FCHSD2: variants seen among roughly 807,000 people sequenced by gnomAD.
The protein encoded by FCHSD2 is F-BAR and double SH3 domains protein 2.
FCHSD2 carries 38 observed loss-of-function variants against 108.1 expected under a neutral mutation model. The ratio of observed to expected loss-of-function variants is 0.35; its 90% confidence interval spans 0.27 to 0.46. The LOEUF (loss-of-function observed/expected upper bound fraction) is 0.46. FCHSD2 is among the 20% of genes least tolerant of loss of function. FCHSD2 has a pLI of 1.00. For synonymous variants in FCHSD2, 279 were observed against 314.7 expected (o/e 0.89, Z 1.20); for missense variants, 751 against 897.8 (o/e 0.84, Z 2.09).
At chr11:73,056,528 A>C (rs1204446662) in intron 3 of FCHSD2, among the ~76,000 whole-genome samples, 1 of 152,190 alleles carries the variant, frequency 6.6e-6, no homozygotes, top group Non-Finnish European at 1.5e-5. Flanking sequence ...AAAATGAATC[A>C]ATTTAATCTT....
At chr11:72,983,920 A>C (rs1388469171) in intron 8 of FCHSD2, 168 bp downstream of exon 8, 2 of 706,752 alleles carry the variant, frequency 2.8e-6, no homozygotes, top group African/African-American at 3.5e-5. Flanking sequence ...AATTAATTCC[A>C]AATTATCTGA....
chr11:73,123,860 C>T (rs957880775), intron 2 of FCHSD2, among the ~76,000 whole-genome samples: 2 of 152,176 alleles, frequency 1.3e-5, no homozygotes, highest in Non-Finnish European at 2.9e-5. Flanking sequence ...CCTTGATCCA[C>T]TATAAATCAA....
At chr11:73,042,978 A>C (rs907664715) in intron 3 of FCHSD2, among the ~76,000 whole-genome samples, 1 of 152,176 alleles carries the variant, frequency 6.6e-6, no homozygotes, top group African/African-American at 2.4e-5. Context: ...TTTTCTATAT[A>C]TGAGGTCATG....
intron 6 of FCHSD2, among the ~76,000 whole-genome samples, chr11:72,987,851 T>A (rs1184282751): frequency 6.6e-6 from 1 of 152,220 alleles, no homozygotes; most frequent in Non-Finnish European, 1.5e-5. Context: ...GGACATCTAA[T>A]CTAAAAACTT....
At chr11:73,101,249 T>C (rs1860218086) in intron 2 of FCHSD2, among the ~76,000 whole-genome samples, 2 of 152,128 alleles carry the variant, frequency 1.3e-5, no homozygotes, top group South Asian at 2.1e-4. Flanking sequence ...GCACAGAAAA[T>C]AGATTGCATA....
chr11:72,941,529 T>C lies in FCHSD2; in HGVS notation c.706-19579A>G, dbSNP rs1258844367. Among the ~76,000 whole-genome samples the C allele has an allele frequency of 2.6e-5, 4 of 152,060 alleles. No homozygotes were observed. In the East Asian group the frequency reaches 5.8e-4, roughly 22 times the overall value. Reference sequence around the variant, plus strand: ...TTTATCATTAACTGTTTTGTTCTTGTATTGATCTATTTTTTCTTTTAACTC... The same window carrying C: ...TTTATCATTAACTGTTTTGTTCTTGCATTGATCTATTTTTTCTTTTAACTC... On this transcript the variant is annotated intron_variant, in intron 8 of 19. Transcript: ENST00000409418.
chr11:72,926,605 G>A (rs1402553340), intron 8 of FCHSD2, among the ~76,000 whole-genome samples: 1 of 152,070 alleles, frequency 6.6e-6, no homozygotes, highest in Non-Finnish European at 1.5e-5. Context: ...TCCAAGGGAC[G>A]ATATGCCTAC....
intron 3 of FCHSD2, 143 bp from the exon 4 acceptor site, chr11:73,016,028 C>A: frequency 1.7e-6 from 1 of 588,292 alleles, no homozygotes. Context: ...ATAGGCTGCA[C>A]GTGGTGGCTT....
rs1565339614 is a variant in FCHSD2 at position 72,954,196 on chromosome 11, A to AATTTTTTTTTTTTTTTTTTTTTT, written c.705+29891_705+29892insAAAAAAAAAAAAAAAAAAAAAAT. ...TAGAATATTAGCAGTAGATGTGGGG[A>AATTTTTTTTTTTTTTTTTTTTTT]TTTTTTTTTTTTTTTTTTTTTTTTT... On this transcript the variant is annotated intron_variant, in intron 8 of 19. Transcript: ENST00000409418. Among the ~76,000 whole-genome samples, 7 of 111,702 alleles carry AATTTTTTTTTTTTTTTTTTTTTT rather than the reference A, an allele frequency of 6.3e-5. 3 individuals are homozygous for AATTTTTTTTTTTTTTTTTTTTTT. Among genetic ancestry groups the AATTTTTTTTTTTTTTTTTTTTTT allele is most frequent in the Non-Finnish European group, 3.6e-5 (2 of 55,680 alleles). 73.3% of individuals were successfully genotyped at this position (111,702 alleles called of 152,430 possible). A position where few individuals can be genotyped will look rare whatever the true frequency, so the allele number is the denominator to read the frequency against.
chr11:73,045,243 G>A (rs1350200060), intron 3 of FCHSD2, among the ~76,000 whole-genome samples: 3 of 151,744 alleles, frequency 2.0e-5, no homozygotes, highest in African/African-American at 7.3e-5. Context: ...AGTTAGAATG[G>A]CGATCATTAA....
At chr11:72,935,211 TGAA>T (rs372669164) in intron 8 of FCHSD2, among the ~76,000 whole-genome samples, 28 of 152,314 alleles carry the variant, frequency 1.8e-4, no homozygotes, top group Middle Eastern at 3.4e-3. Context: ...AGAACTTGTT[TGAA>T]GAAGAAGATT....
At chr11:72,947,034 C>T (rs1052064420) in intron 8 of FCHSD2, among the ~76,000 whole-genome samples, 1 of 152,192 alleles carries the variant, frequency 6.6e-6, no homozygotes, top group African/African-American at 2.4e-5. Flanking sequence ...CTTTCCCAGG[C>T]CCCAGGTGAG....
At chr11:73,079,924 G>C (rs1859641699) in intron 3 of FCHSD2, among the ~76,000 whole-genome samples, 2 of 152,070 alleles carry the variant, frequency 1.3e-5, no homozygotes, top group African/African-American at 2.4e-5. Context: ...TGCATTATTA[G>C]ATACGTTACA....
chr11:73,051,481 A>G (rs1049486955), intron 3 of FCHSD2, among the ~76,000 whole-genome samples: 1 of 152,200 alleles, frequency 6.6e-6, no homozygotes, highest in Non-Finnish European at 1.5e-5. Context: ...ACAAACAGAA[A>G]AAGTTTAATG....
At chr11:72,985,602 C>T (rs957606532) in intron 6 of FCHSD2, among the ~76,000 whole-genome samples, 1 of 152,114 alleles carries the variant, frequency 6.6e-6, no homozygotes, top group African/African-American at 2.4e-5. Flanking sequence ...CTATTATTTC[C>T]ACCATTAAAA....
At chr11:72,869,416 G>A (rs1591357232) in intron 12 of FCHSD2, 1 of 150,400 alleles carries the variant, frequency 6.6e-6, no homozygotes, top group Non-Finnish European at 1.5e-5. Context: ...GTGAAGAAGG[G>A]AAAGAGAGGG....
chr11:72,939,636 T>G (rs1856375199), intron 8 of FCHSD2, among the ~76,000 whole-genome samples: 2 of 109,988 alleles, frequency 1.8e-5, no homozygotes, highest in Admixed American at 9.8e-5. Flanking sequence ...TTTTTTTTTT[T>G]GAGACAGTGT....
chr11:73,044,783 G>A (rs377461624), intron 3 of FCHSD2, among the ~76,000 whole-genome samples: 1 of 152,036 alleles, frequency 6.6e-6, no homozygotes, highest in African/African-American at 2.4e-5. Context: ...CTAACACTAA[G>A]GATGGGGCTG....
chr11:72,925,942 A>G (rs1417391564), intron 8 of FCHSD2, among the ~76,000 whole-genome samples: 1 of 152,178 alleles, frequency 6.6e-6, no homozygotes, highest in Admixed American at 6.5e-5. Flanking sequence ...CAGCTGACCA[A>G]TCTGCAGCTG....
Sources: gnomAD v4.1 joint callset for allele counts (sites outside exome capture counted in the v4.1 genomes callset) on GRCh38, gnomAD v4.1.1 for gene constraint, MANE v1.5 for transcripts, NCBI Gene and HGNC (gene_info 2026-07-23, HGNC 2026-07-21) for gene names.